Variants in TLN2 observed in about 807,000 individuals in gnomAD.
TLN2 encodes the protein talin 2, also known as talin-2.
A neutral mutation model predicts 294.7 loss-of-function variants in TLN2; 118 were observed. That is an observed-to-expected ratio of 0.40 (90% CI 0.34 to 0.47). The LOEUF (loss-of-function observed/expected upper bound fraction) is 0.47, where lower values mean the gene tolerates loss of function less well. Among genes scored for constraint, TLN2 ranks in the 20% least tolerant of loss-of-function variants. The pLI, the probability that TLN2 is intolerant of heterozygous loss-of-function variation, is 0.84. For missense variants in TLN2, 3,083 were observed against 3,282.2 expected (o/e 0.94, Z 1.48); for synonymous variants, 1,431 against 1,304.5 (o/e 1.10, Z -2.09).
chr15:62,570,388 G>T (rs2043767762), intron 1 of TLN2, among the ~76,000 whole-genome samples: 1 of 152,198 alleles, frequency 6.6e-6, no homozygotes, highest in Non-Finnish European at 1.5e-5. Context: ...CAAATATCTA[G>T]ACCCTCTTGT....
intron 5 of TLN2, 66 bp from the exon 6 acceptor site, chr15:62,651,939 A>G: frequency 6.9e-7 from 1 of 1,459,004 alleles, no homozygotes; most frequent in South Asian, 1.6e-5. Context: ...TTTTAAAGAA[A>G]AGTGTTCAAG....
intron 32 of TLN2, among the ~76,000 whole-genome samples, chr15:62,741,748 C>CGCGCGCGCGCGCGCGTGTGTGTGT: frequency 6.1e-5 from 8 of 131,072 alleles, no homozygotes; most frequent in African/African-American, 1.2e-4. Flanking sequence ...AAAATTTGCG[C>CGCGCGCGCGCGCGCGTGTGTGTGT]GTGTGTGTGT....
intron 1 of TLN2, among the ~76,000 whole-genome samples, chr15:62,465,204 T>A (rs576085309): frequency 6.6e-6 from 1 of 151,428 alleles, no homozygotes; most frequent in Admixed American, 6.6e-5. Context: ...ATGTGCTGTT[T>A]CCTTTTAGCC....
chr15:62,411,241 G>T (rs373037948), intron 1 of TLN2, among the ~76,000 whole-genome samples: 25 of 152,288 alleles, frequency 1.6e-4, no homozygotes, highest in African/African-American at 5.5e-4. Context: ...CCATAATTTA[G>T]TGTGACCTTG....
At position 62,790,927 on chromosome 15, in the gene TLN2, G is replaced by A. The variant is rs147946831; in HGVS notation, c.5737-1714G>A. On this transcript the variant is annotated intron_variant, in intron 45 of 58. Coordinates refer to ENST00000636159, the MANE Select transcript of TLN2 (RefSeq NM_015059.3). ...TGTGCAGTCCAGAGGTGCTGCTGCT[G>A]TTGTATTCTGCATGGAGGTAGTCAA... 2.4e-3 allele frequency among the ~76,000 whole-genome samples: 372 copies of A among 152,320 alleles called. 2 individuals carry two copies. The highest frequency in any genetic ancestry group is 4.3e-3 in the Non-Finnish European group (293 of 68,032).
At chr15:62,713,917 C>A (rs139734337) in intron 22 of TLN2, among the ~76,000 whole-genome samples, 46,661 of 115,850 alleles carry the variant, frequency 0.4, 11,542 homozygotes, top group Non-Finnish European at 0.56. Context: ...TATATATATG[C>A]TGTGTGTGTG....
intron 3 of TLN2, among the ~76,000 whole-genome samples, chr15:62,634,206 AT>A (rs2050174674): frequency 6.6e-6 from 1 of 152,142 alleles, no homozygotes; most frequent in Non-Finnish European, 1.5e-5. Flanking sequence ...ATGAATATCA[AT>A]TTTGTAGGTT....
chr15:62,477,223 A>G (rs1448871365), intron 1 of TLN2, among the ~76,000 whole-genome samples: 1 of 152,200 alleles, frequency 6.6e-6, no homozygotes, highest in Non-Finnish European at 1.5e-5. Context: ...CACAGATCCT[A>G]ACTCAGTAGG....
At chr15:62,763,454 G>C (rs1356114970) in intron 39 of TLN2, 109 bp from the exon 40 acceptor site, 5 of 1,439,712 alleles carry the variant, frequency 3.5e-6, no homozygotes, top group African/African-American at 2.8e-5. Flanking sequence ...GAAAGGAGGT[G>C]ACTGTGTCAG....
At chr15:62,630,517 T>G (rs1165320358) in intron 3 of TLN2, among the ~76,000 whole-genome samples, 1 of 152,184 alleles carries the variant, frequency 6.6e-6, no homozygotes, top group African/African-American at 2.4e-5. Flanking sequence ...GACGTCGGGA[T>G]CTCATCACAG....
rs149515920 is a variant in TLN2, at chr15:62,611,231, G to A, written c.-161-7120G>A. Among the ~76,000 whole-genome samples, 1,443 of 152,268 alleles carry A rather than the reference G, an allele frequency of 9.5e-3. 27 individuals carry two copies. Among genetic ancestry groups the A allele is most frequent in the African/African-American group, 0.033 (1,364 of 41,542 alleles). ...GTGTCATCAAAATTAAGAAAAAAATGTTTAAGCTGGTGAGCCCCAATGATT... is the reference window on the plus strand; with the variant it reads ...GTGTCATCAAAATTAAGAAAAAAATATTTAAGCTGGTGAGCCCCAATGATT... On this transcript the variant is annotated intron_variant, in intron 2 of 58. Coordinates refer to ENST00000636159, the MANE Select transcript of TLN2 (RefSeq NM_015059.3).
chr15:62,524,066 T>C (rs1267530044), intron 1 of TLN2, among the ~76,000 whole-genome samples: 1 of 152,248 alleles, frequency 6.6e-6, no homozygotes, highest in Non-Finnish European at 1.5e-5. Context: ...GGAACCACTA[T>C]CTGCTTCCCA....
intron 1 of TLN2, among the ~76,000 whole-genome samples, chr15:62,508,844 G>A (rs1015162820): frequency 6.6e-6 from 1 of 152,066 alleles, no homozygotes; most frequent in Non-Finnish European, 1.5e-5. Flanking sequence ...ACTATCCATT[G>A]TTTAATCTCT....
chr15:62,639,695 C>T (rs147179835), intron 3 of TLN2, among the ~76,000 whole-genome samples: 152 of 152,316 alleles, frequency 1.0e-3, no homozygotes, highest in African/African-American at 3.4e-3. Flanking sequence ...AGCTTACTAT[C>T]GCATGGAGCG....
intron 41 of TLN2, 97 bp downstream of exon 41, chr15:62,766,519 T>G: frequency 8.5e-7 from 1 of 1,177,886 alleles, no homozygotes; most frequent in Non-Finnish European, 1.2e-6. Flanking sequence ...AAGCCTGTGG[T>G]GCAAGTATTG....
intron 1 of TLN2, among the ~76,000 whole-genome samples, chr15:62,517,956 G>C (rs922307251): frequency 5.3e-5 from 8 of 152,040 alleles, no homozygotes; most frequent in Non-Finnish European, 1.0e-4. Context: ...ATTTTACTTA[G>C]CCATAAGATT....
intron 40 of TLN2, 135 bp downstream of exon 40, chr15:62,763,830 T>A (rs2062825836): frequency 7.6e-7 from 1 of 1,321,180 alleles, no homozygotes; most frequent in Admixed American, 3.0e-5. Flanking sequence ...ACAGCCATTC[T>A]CTGTGGAGCC....
At chr15:62,427,722 C>G (rs1053215653) in intron 1 of TLN2, among the ~76,000 whole-genome samples, 10 of 152,182 alleles carry the variant, frequency 6.6e-5, no homozygotes, top group South Asian at 2.1e-4. Flanking sequence ...TTGGCAGTTT[C>G]TGCTCCCTGG....
chr15:62,540,430 A>G (rs1040883970), intron 1 of TLN2, among the ~76,000 whole-genome samples: 5 of 150,724 alleles, frequency 3.3e-5, no homozygotes, highest in Non-Finnish European at 5.9e-5. Context: ...GGAGTGACCT[A>G]AGAACCAATT....
Sources: gnomAD v4.1 joint callset for allele counts (sites outside exome capture counted in the v4.1 genomes callset) on GRCh38, gnomAD v4.1.1 for gene constraint, MANE v1.5 for transcripts, NCBI Gene and HGNC (gene_info 2026-07-23, HGNC 2026-07-21) for gene names.